KL: variants seen among roughly 807,000 people sequenced by gnomAD.
KL encodes alpha-klotho.
A neutral mutation model predicts 84.2 loss-of-function variants in KL; 62 were observed. That is an observed-to-expected ratio of 0.74 (90% CI 0.60 to 0.91). The LOEUF is 0.91. Among genes scored for constraint, KL ranks in the 40% least tolerant of loss-of-function variants. The pLI, the probability that KL is intolerant of heterozygous loss-of-function variation, is 0.00. For synonymous variants in KL, 528 were observed against 528.0 expected, an observed-to-expected ratio of 1.00 and a Z score of 0.00; for missense variants, 1,261 against 1,305.7, an observed-to-expected ratio of 0.97 and a Z score of 0.53.
intron 1 of KL, among the ~76,000 whole-genome samples, chr13:33,037,100 A>G (rs1034978313): frequency 2.0e-5 from 3 of 152,212 alleles, no homozygotes; most frequent in African/African-American, 7.2e-5. Context: ...TAGGAATCAT[A>G]TATCTTCTTT....
chr13:33,044,127 A>G (rs1056828858), intron 1 of KL, among the ~76,000 whole-genome samples: 1 of 152,146 alleles, frequency 6.6e-6, no homozygotes, highest in African/African-American at 2.4e-5. Flanking sequence ...TGCATTCGTT[A>G]GAAATCAGTT....
intron 2 of KL, 45 bp downstream of exon 2, chr13:33,054,322 G>GA (rs748217921): frequency 3.2e-6 from 5 of 1,558,024 alleles, no homozygotes; most frequent in Non-Finnish European, 2.6e-6. Flanking sequence ...AAATCTTCTG[G>GA]AAAAAAATCT....
chr13:33,032,948 TAA>T (rs139325617), intron 1 of KL, among the ~76,000 whole-genome samples: 1 of 149,488 alleles, frequency 6.7e-6, no homozygotes, highest in African/African-American at 2.4e-5. Flanking sequence ...GCCATTGCAT[TAA>T]AAAAAAAATC....
intron 1 of KL, among the ~76,000 whole-genome samples, chr13:33,039,640 TG>T (rs940164909): frequency 2.0e-4 from 31 of 152,296 alleles, no homozygotes; most frequent in Admixed American, 5.9e-4. Context: ...AGTTGATAAT[TG>T]GGGAAGATAG....
chr13:33,061,539 T>C lies in KL; in HGVS notation c.2460T>C (p.Asp820=). 1.2e-6 allele frequency: 2 copies of C among 1,614,032 alleles called. No homozygotes were observed. The highest frequency in any genetic ancestry group is 1.7e-6 in the Non-Finnish European group (2 of 1,179,994). The change falls in exon 4 of 5, where the codon GAT becomes GAC. Residue 820 remains aspartate (D), a synonymous_variant. Transcript: ENST00000380099. ...TCCTTGTAGACTCAGAAAAAGAAGA[T>C]CCAATAAAATACAATGATTACCTAG... ...TTILVDSEKE[D]PIKYNDYLEV...
At chr13:33,031,339 G>T (rs1870964883) in intron 1 of KL, among the ~76,000 whole-genome samples, 1 of 152,188 alleles carries the variant, frequency 6.6e-6, no homozygotes, top group African/African-American at 2.4e-5. Context: ...TTGGAGGCTG[G>T]AAACTTCTAG....
At chr13:33,052,220 G>A (rs1437983147) in intron 1 of KL, among the ~76,000 whole-genome samples, 1 of 152,138 alleles carries the variant, frequency 6.6e-6, no homozygotes, top group East Asian at 1.9e-4. Context: ...CTGGGATTTC[G>A]GCCTCCCAAA....
intron 1 of KL, among the ~76,000 whole-genome samples, chr13:33,020,147 G>T (rs774420478): frequency 6.6e-6 from 1 of 152,152 alleles, no homozygotes; most frequent in African/African-American, 2.4e-5. Flanking sequence ...CTTCTTTCAC[G>T]TAAGGAAGTA....
Position 33,053,854 on chromosome 13 carries a change from A to T in KL, c.907A>T (p.Ile303Phe). 1 of 1,614,136 alleles carries T rather than the reference A, an allele frequency of 6.2e-7. No individual in the cohort carries two copies. Residue 303 changes from isoleucine to phenylalanine, a missense_variant, in exon 2 of 5, where the codon ATC becomes TTC. Coordinates refer to ENST00000380099, the MANE Select transcript of KL (RefSeq NM_004795.4). ...QVSIALSSHWINPRRMTDHSI... is the reference protein window; with the variant it reads ...QVSIALSSHWFNPRRMTDHSI... ...GTCCATTGCCCTAAGCTCTCACTGG[A>T]TCAATCCTCGAAGAATGACCGACCA...
At position 33,064,868 on chromosome 13, in the gene KL, T is replaced by C. The variant is rs1398708707; in HGVS notation, c.*682T>C. On this transcript the variant is annotated 3_prime_UTR_variant, in exon 5 of 5. Coordinates refer to ENST00000380099, the MANE Select transcript of KL (RefSeq NM_004795.4). Reference sequence around the variant, plus strand: ...ACCCTGTGTCCCTGAGGGATCTGTCTCACTGGCATCTTGTTGAGGGCCTTG... The same window carrying C: ...ACCCTGTGTCCCTGAGGGATCTGTCCCACTGGCATCTTGTTGAGGGCCTTG... 2.2e-5 allele frequency: 5 copies of C among 228,846 alleles called. No individual in the cohort carries two copies. In the East Asian group the frequency reaches 3.1e-4, roughly 14 times the overall value. 14.2% of individuals were successfully genotyped at this position (228,846 alleles called of 1,614,324 possible). A position where few individuals can be genotyped will look rare whatever the true frequency, so the allele number is the denominator to read the frequency against.
intron 4 of KL, among the ~76,000 whole-genome samples, 197 bp from the exon 5 acceptor site, chr13:33,063,652 C>T (rs1872294554): frequency 1.3e-5 from 2 of 151,828 alleles, no homozygotes; most frequent in African/African-American, 4.8e-5. Context: ...TGGTGCTCAC[C>T]TGTAGTCCCA....
intron 1 of KL, among the ~76,000 whole-genome samples, chr13:33,042,585 C>A (rs1418918505): frequency 6.6e-6 from 1 of 152,126 alleles, no homozygotes; most frequent in African/African-American, 2.4e-5. Flanking sequence ...GAATAGTATT[C>A]CATTGTATAA....
intron 1 of KL, among the ~76,000 whole-genome samples, chr13:33,032,641 C>T (rs930531939): frequency 6.6e-6 from 1 of 152,086 alleles, no homozygotes; most frequent in African/African-American, 2.4e-5. Context: ...TCATTTCTAT[C>T]AGAGCAGTCA....
At chr13:33,033,093 A>T (rs1292227226) in intron 1 of KL, among the ~76,000 whole-genome samples, 1 of 152,264 alleles carries the variant, frequency 6.6e-6, no homozygotes, top group East Asian at 1.9e-4. Flanking sequence ...TCATTACATG[A>T]TAACTCAAAT....
At chr13:33,017,412 TC>T (rs1350552171) in intron 1 of KL, among the ~76,000 whole-genome samples, 153 bp downstream of exon 1, 3 of 152,168 alleles carry the variant, frequency 2.0e-5, no homozygotes, top group Non-Finnish European at 4.4e-5. Flanking sequence ...AGTTCTGACT[TC>T]CCTTGGAAGG....
Position 33,016,469 on chromosome 13 carries a change from C to T in KL, c.29C>T (p.Pro10Leu). Reference protein sequence around the residue: MPASAPPRRPRPPPPSLSLL... With the variant: MPASAPPRRLRPPPPSLSLL... ...CCCGCCAGCGCCCCGCCGCGCCGCC[C>T]GCGGCCGCCGCCGCCGTCGCTGTCG... is the stretch of plus-strand genomic sequence containing the variant. Residue 10 changes from proline (P) to leucine (L), a missense_variant, in exon 1 of 5, where the codon CCG (proline) becomes CTG (leucine). Pro to Leu is a moderately conservative substitution (Grantham distance 98). Transcript: ENST00000380099. 5 of 1,040,610 alleles carry T rather than the reference C, an allele frequency of 4.8e-6. No individual in the cohort carries two copies. The highest frequency in any genetic ancestry group is 5.8e-6 in the Non-Finnish European group (5 of 867,520). 64.5% of individuals were successfully genotyped at this position (1,040,610 alleles called of 1,614,324 possible).
chr13:33,044,555 C>T (rs1406103201), intron 1 of KL, among the ~76,000 whole-genome samples: 4 of 150,130 alleles, frequency 2.7e-5, no homozygotes, highest in South Asian at 2.1e-4. Flanking sequence ...AAGTATTTTA[C>T]GATTTTGGTA....
intron 1 of KL, among the ~76,000 whole-genome samples, chr13:33,028,416 T>G (rs1453894641): frequency 1.3e-5 from 2 of 152,192 alleles, no homozygotes; most frequent in Non-Finnish European, 1.5e-5. Flanking sequence ...CCATAAACCC[T>G]TTCTCAGGAA....
At chr13:33,028,889 A>G (rs1014374757) in intron 1 of KL, among the ~76,000 whole-genome samples, 11 of 152,232 alleles carry the variant, frequency 7.2e-5, no homozygotes, top group Non-Finnish European at 1.5e-4. Flanking sequence ...AAGAGAGCTA[A>G]ACCCTTATCT....
Sources: gnomAD v4.1 joint callset for allele counts (sites outside exome capture counted in the v4.1 genomes callset) on GRCh38, gnomAD v4.1.1 for gene constraint, MANE v1.5 for transcripts, NCBI Gene and HGNC (gene_info 2026-07-23, HGNC 2026-07-21) for gene names.